The following FCGRT variants were observed in gnomAD, a reference collection of about 807,000 sequenced individuals.
FCGRT encodes the protein IgG receptor FcRn large subunit p51.
In FCGRT, 13 loss-of-function variants were observed where a neutral mutation model predicts 35.7. That is an observed-to-expected ratio of 0.36 (90% CI 0.24 to 0.58). The LOEUF is 0.58. FCGRT is among the 20% of genes least tolerant of loss of function. FCGRT has a pLI of 0.77. For synonymous variants in FCGRT, 233 were observed against 216.5 expected, an observed-to-expected ratio of 1.08 and a Z score of -0.67; for missense variants, 455 against 474.9, an observed-to-expected ratio of 0.96 and a Z score of 0.39.
Position 49,514,490 on chromosome 19 carries a change from AG to A in FCGRT, c.601+5del. The A allele has an allele frequency of 6.5e-7, 1 of 1,538,132 alleles. No individual in the cohort carries two copies. Among genetic ancestry groups the A allele is most frequent in the African/African-American group, 1.4e-5 (1 of 72,974 alleles). On this transcript the variant is annotated splice_donor_5th_base_variant and intron_variant, in intron 4 of 6. Transcript: ENST00000221466. ...CGCGGAAACCTGGAGTGGAAGGGTGAGCCGGATCTGCAGCCGCAGGCTGTTC... is the reference window on the plus strand; with the variant it reads ...CGCGGAAACCTGGAGTGGAAGGGTGACCGGATCTGCAGCCGCAGGCTGTTC...
intron 4 of FCGRT, chr19:49,520,648 G>C (rs917143530): frequency 2.6e-5 from 4 of 152,194 alleles, no homozygotes; most frequent in Admixed American, 2.6e-4. Context: ...GCCTGACCTG[G>C]TTTGGTATTT....
At chr19:49,518,912 A>T (rs1036826551) in intron 4 of FCGRT, among the ~76,000 whole-genome samples, 2 of 147,750 alleles carry the variant, frequency 1.4e-5, no homozygotes, top group African/African-American at 5.0e-5. Flanking sequence ...GCGCGATCTC[A>T]GCTCATTGCA....
chr19:49,524,897 T>C (rs1465418363), intron 5 of FCGRT, 121 bp downstream of exon 5: 9 of 1,036,768 alleles, frequency 8.7e-6, no homozygotes, highest in Admixed American at 2.0e-5. Flanking sequence ...TCTGACTGCC[T>C]TGAACCTCAC....
At chr19:49,525,047 A>ATCCTGC in intron 5 of FCGRT, 1 of 592,022 alleles carries the variant, frequency 1.7e-6, no homozygotes, top group East Asian at 3.3e-5. Flanking sequence ...ACCATCTTCC[A>ATCCTGC]TCCTGCTGCT....
chr19:49,523,701 A>G (rs1187329379), intron 4 of FCGRT, among the ~76,000 whole-genome samples: 2 of 151,942 alleles, frequency 1.3e-5, no homozygotes, highest in South Asian at 2.1e-4. Flanking sequence ...TCTACTAAAA[A>G]TACAAAAAAT....
chr19:49,522,925 C>T (rs879683471), intron 4 of FCGRT, among the ~76,000 whole-genome samples: 12 of 151,462 alleles, frequency 7.9e-5, no homozygotes, highest in Non-Finnish European at 1.3e-4. Flanking sequence ...CTACAGGCGC[C>T]GGCCACCACG....
At chr19:49,520,123 G>T (rs1204290106) in intron 4 of FCGRT, among the ~76,000 whole-genome samples, 2 of 141,958 alleles carry the variant, frequency 1.4e-5, no homozygotes, top group Admixed American at 1.5e-4. Flanking sequence ...GAGCCACCGC[G>T]CCCGGGCTTT....
intron 4 of FCGRT, among the ~76,000 whole-genome samples, chr19:49,519,030 GAC>G (rs2080025192): frequency 6.6e-6 from 1 of 150,780 alleles, no homozygotes; most frequent in Non-Finnish European, 1.5e-5. Context: ...TTTTAGTAGA[GAC>G]AGAGTTTCAC....
At chr19:49,522,637 T>C (rs1277061954) in intron 4 of FCGRT, among the ~76,000 whole-genome samples, 6 of 151,524 alleles carry the variant, frequency 4.0e-5, no homozygotes, top group Admixed American at 2.0e-4. Flanking sequence ...TTTCACCATG[T>C]TGGTCAGGCT....
intron 4 of FCGRT, among the ~76,000 whole-genome samples, chr19:49,515,958 C>T: frequency 6.6e-6 from 1 of 152,168 alleles, no homozygotes; most frequent in East Asian, 1.9e-4. Context: ...GAAGCCTTTC[C>T]TCAGCTCTGT....
At chr19:49,513,567 C>T (rs940832086) in intron 2 of FCGRT, 94 bp downstream of exon 2, 7 of 679,888 alleles carry the variant, frequency 1.0e-5, no homozygotes, top group South Asian at 7.1e-5. Flanking sequence ...CCCGAGTTCC[C>T]CGCGAGCCCC....
chr19:49,520,172 C>G (rs2080032779), intron 4 of FCGRT, among the ~76,000 whole-genome samples: 2 of 138,764 alleles, frequency 1.4e-5, no homozygotes, highest in Non-Finnish European at 3.1e-5. Flanking sequence ...CCTCTGTCAC[C>G]AGGCTGGAGT....
intron 5 of FCGRT, chr19:49,525,044 T>G: frequency 1.6e-6 from 1 of 613,840 alleles, no homozygotes; most frequent in Non-Finnish European, 2.9e-6. Context: ...CTGACCATCT[T>G]CCATCCTGCT....
Position 49,526,335 on chromosome 19 carries a change from C to A in FCGRT, c.*216C>A. The A allele has an allele frequency of 1.8e-6, 1 of 557,392 alleles. No individual in the cohort carries two copies. The highest frequency in any genetic ancestry group is 3.2e-6 in the Non-Finnish European group (1 of 312,598). 34.5% of individuals were successfully genotyped at this position (557,392 alleles called of 1,614,324 possible). A position where few individuals can be genotyped will look rare whatever the true frequency, so the allele number is the denominator to read the frequency against. On this transcript the variant is annotated 3_prime_UTR_variant, in exon 7 of 7. Transcript: ENST00000221466. ...ATATAACACGAGTTTGGGCCCGAATCAGTGTGTTCTCATCATTTTTCAGGC... is the reference window on the plus strand; with the variant it reads ...ATATAACACGAGTTTGGGCCCGAATAAGTGTGTTCTCATCATTTTTCAGGC...
intron 1 of FCGRT, 39 bp from the exon 2 acceptor site, chr19:49,513,348 C>CGGGG: frequency 1.0e-6 from 1 of 987,844 alleles, no homozygotes; most frequent in East Asian, 3.3e-5. Flanking sequence ...AGGGGCGGGC[C>CGGGG]GGGGGTCGGG....
chr19:49,524,601 A>C lies in FCGRT; in HGVS notation c.696A>C (p.Gln232His). Reference sequence around the variant, plus strand: ...TCTCCTTCTACCCTCCGGAGCTGCAACTTCGGTTCCTGCGGAATGGGCTGG... The same window carrying C: ...TCTCCTTCTACCCTCCGGAGCTGCACCTTCGGTTCCTGCGGAATGGGCTGG... Reference protein sequence around the residue: ...SAFSFYPPELQLRFLRNGLAA... With the variant: ...SAFSFYPPELHLRFLRNGLAA... Residue 232 changes from glutamine (Q) to histidine (H), a missense_variant, in exon 5 of 7, where the codon CAA (glutamine) becomes CAC (histidine). Physicochemically the swap from Gln to His is conservative, Grantham distance 24. Around this residue, in one of 3 missense-constraint regions of FCGRT, gnomAD observed 312 missense variants for 296.1 expected, o/e 1.05. Coordinates refer to ENST00000221466, the MANE Select transcript of FCGRT (RefSeq NM_001136019.3). 1 of 1,611,998 alleles carries C rather than the reference A, an allele frequency of 6.2e-7. No individual in the cohort carries two copies. Among genetic ancestry groups the C allele is most frequent in the Non-Finnish European group, 8.5e-7 (1 of 1,180,010 alleles).
chr19:49,525,083 C>A, intron 5 of FCGRT: 1 of 575,800 alleles, frequency 1.7e-6, no homozygotes, highest in Non-Finnish European at 3.3e-6. Context: ...GCGGGTCTTC[C>A]TGGAATCTGA....
At chr19:49,519,084 C>G (rs1037988103) in intron 4 of FCGRT, among the ~76,000 whole-genome samples, 3 of 152,000 alleles carry the variant, frequency 2.0e-5, no homozygotes, top group Non-Finnish European at 1.5e-5. Flanking sequence ...CCTCCTGATC[C>G]GCCTGCCTCA....
chr19:49,516,139 C>G (rs1421840213), intron 4 of FCGRT: 2 of 453,520 alleles, frequency 4.4e-6, no homozygotes, highest in Non-Finnish European at 8.8e-6. Flanking sequence ...TAGATACCAG[C>G]TGGGGATGTG....
Sources: gnomAD v4.1 joint callset for allele counts (sites outside exome capture counted in the v4.1 genomes callset) on GRCh38, gnomAD v4.1.1 for gene constraint, gnomAD v4.1.1 regional missense constraint, MANE v1.5 for transcripts, NCBI Gene and HGNC (gene_info 2026-07-23, HGNC 2026-07-21) for gene names.